The following SNAP91 variants were observed in gnomAD, a reference collection of about 807,000 sequenced individuals.
SNAP91 encodes the protein synaptosome associated protein 91.
A neutral mutation model predicts 100.3 loss-of-function variants in SNAP91; 27 were observed. That is an observed-to-expected ratio of 0.27 (90% CI 0.20 to 0.37). The LOEUF (loss-of-function observed/expected upper bound fraction) is 0.37. Among genes scored for constraint, SNAP91 ranks in the 10% least tolerant of loss-of-function variants. SNAP91 has a pLI of 1.00. For missense variants in SNAP91, 986 were observed against 1,123.7 expected, an observed-to-expected ratio of 0.88 and a Z score of 1.75; for synonymous variants, 404 against 398.6, an observed-to-expected ratio of 1.01 and a Z score of -0.16.
chr6:83,692,296 C>G (rs1190253563), intron 2 of SNAP91, among the ~76,000 whole-genome samples: 1 of 152,192 alleles, frequency 6.6e-6, no homozygotes, highest in East Asian at 1.9e-4. Context: ...GGGTAGATCA[C>G]TTGAGGTCAA....
rs146980545 is a variant in SNAP91 at position 83,563,529 on chromosome 6, T to C, written c.2443-2582A>G. On this transcript the variant is annotated intron_variant, in intron 26 of 29. Transcript: ENST00000369694. ...GCAGTTAGCAGGAAAAAGCAAGAAATGGCATCCAGGTGGGAAAGAAAGAAT... is the reference window on the plus strand; with the variant it reads ...GCAGTTAGCAGGAAAAAGCAAGAAACGGCATCCAGGTGGGAAAGAAAGAAT... 4.1e-3 allele frequency among the ~76,000 whole-genome samples: 619 copies of C among 152,224 alleles called. 2 individuals are homozygous for C. Among genetic ancestry groups the C allele is most frequent in the Non-Finnish European group, 6.9e-3 (472 of 68,004 alleles).
At chr6:83,622,766 G>C (rs1308458124) in intron 9 of SNAP91, among the ~76,000 whole-genome samples, 2 of 151,288 alleles carry the variant, frequency 1.3e-5, no homozygotes, top group South Asian at 2.1e-4. Context: ...TACTAGATGG[G>C]CTCCAGAAAA....
At chr6:83,681,999 T>C (rs1202974499) in intron 2 of SNAP91, among the ~76,000 whole-genome samples, 1 of 152,120 alleles carries the variant, frequency 6.6e-6, no homozygotes, top group Non-Finnish European at 1.5e-5. Flanking sequence ...CCTTGAATTC[T>C]ACTGATACCC....
intron 2 of SNAP91, among the ~76,000 whole-genome samples, chr6:83,707,387 C>G (rs546933114): frequency 2.3e-4 from 35 of 151,988 alleles, no homozygotes; most frequent in Non-Finnish European, 4.4e-4. Flanking sequence ...GTTTGACCTT[C>G]CATAAATTCA....
intron 2 of SNAP91, among the ~76,000 whole-genome samples, chr6:83,692,008 C>T (rs1032385290): frequency 1.1e-4 from 16 of 152,018 alleles, no homozygotes; most frequent in Non-Finnish European, 2.4e-4. Context: ...GGCATAATTG[C>T]CCCATTCTGT....
intron 28 of SNAP91, among the ~76,000 whole-genome samples, chr6:83,559,830 A>G (rs1784355739): frequency 6.6e-6 from 1 of 152,202 alleles, no homozygotes; most frequent in Non-Finnish European, 1.5e-5. Context: ...TCTGGGACAC[A>G]TGCCTTGGAT....
chr6:83,655,309 T>C (rs1486330596), intron 7 of SNAP91, among the ~76,000 whole-genome samples: 2 of 152,222 alleles, frequency 1.3e-5, no homozygotes, highest in Non-Finnish European at 2.9e-5. Flanking sequence ...TATGTGCTGC[T>C]CTAAGCAAAG....
intron 17 of SNAP91, among the ~76,000 whole-genome samples, 169 bp downstream of exon 17, chr6:83,594,204 TA>T (rs2094191834): frequency 6.6e-6 from 1 of 152,254 alleles, no homozygotes; most frequent in African/African-American, 2.4e-5. Context: ...GATAAGTATG[TA>T]CTTCATTGTC....
At chr6:83,560,326 G>A in intron 27 of SNAP91, 118 bp from the exon 28 acceptor site, 1 of 705,428 alleles carries the variant, frequency 1.4e-6, no homozygotes, top group Non-Finnish European at 2.4e-6. Context: ...GGACTATGAG[G>A]AAGCATAATT....
At chr6:83,680,653 G>A (rs2128909232) in intron 2 of SNAP91, among the ~76,000 whole-genome samples, 1 of 152,218 alleles carries the variant, frequency 6.6e-6, no homozygotes, top group East Asian at 1.9e-4. Flanking sequence ...CTAGTGCTCA[G>A]TCTAGAACAA....
At chr6:83,701,287 G>C (rs1273625076) in intron 2 of SNAP91, among the ~76,000 whole-genome samples, 2 of 151,978 alleles carry the variant, frequency 1.3e-5, no homozygotes, top group East Asian at 1.9e-4. Context: ...AGATGACAGA[G>C]AGAATAACTC....
chr6:83,694,169 C>T (rs892286737), intron 2 of SNAP91, among the ~76,000 whole-genome samples: 2 of 152,234 alleles, frequency 1.3e-5, no homozygotes, highest in Non-Finnish European at 2.9e-5. Flanking sequence ...CCATTTCCTT[C>T]TGCTCCTGGA....
chr6:83,615,365 T>C (rs1473094700), intron 10 of SNAP91, among the ~76,000 whole-genome samples: 3 of 152,324 alleles, frequency 2.0e-5, no homozygotes, highest in East Asian at 3.9e-4. Flanking sequence ...ATTTTAACTT[T>C]AGCGGATGTA....
chr6:83,573,290 C>G (rs542897443), intron 26 of SNAP91, among the ~76,000 whole-genome samples: 1 of 152,114 alleles, frequency 6.6e-6, no homozygotes, highest in South Asian at 2.1e-4. Flanking sequence ...CACTGCTCAA[C>G]GAAATGAAAG....
rs1279165912 is a variant in SNAP91, at chr6:83,593,200, T to C, written c.1756A>G (p.Ile586Val). The C allele has an allele frequency of 1.3e-6, 2 of 1,594,064 alleles. No individual in the cohort carries two copies. Among genetic ancestry groups the C allele is most frequent in the Non-Finnish European group, 1.7e-6 (2 of 1,169,760 alleles). The part of the protein sequence containing the change: ...AAPKPDAAPS[I>V]DLFSTDAFSS... ...GTTTTACCTGTACTAAACAGGTCTA[T>C]GCTAGGAGCAGCATCTGGCTTAGGC... Residue 586 changes from isoleucine (I) to valine (V), a missense_variant, in exon 19 of 30, where the codon ATA becomes GTA. Physicochemically the swap from Ile to Val is conservative, Grantham distance 29. Transcript: ENST00000369694.
At chr6:83,581,109 A>AC in intron 23 of SNAP91, among the ~76,000 whole-genome samples, 1 of 152,214 alleles carries the variant, frequency 6.6e-6, no homozygotes, top group African/African-American at 2.4e-5. Flanking sequence ...GTGAAATCTA[A>AC]ATAATTTACT....
At chr6:83,690,245 T>C in intron 2 of SNAP91, 1 of 1,113,062 alleles carries the variant, frequency 9.0e-7, no homozygotes, top group Non-Finnish European at 1.1e-6. Context: ...GATGAACAAA[T>C]CTCTTCTTGA....
chr6:83,621,702 T>G (rs973209364), intron 9 of SNAP91, among the ~76,000 whole-genome samples: 6 of 152,292 alleles, frequency 3.9e-5, no homozygotes, highest in African/African-American at 1.4e-4. Context: ...AGTAGTCATT[T>G]GAATATTTCC....
intron 2 of SNAP91, among the ~76,000 whole-genome samples, chr6:83,688,455 CTTT>C (rs1005947927): frequency 3.3e-5 from 5 of 150,524 alleles, no homozygotes; most frequent in Non-Finnish European, 5.9e-5. Context: ...AGTCATGCTT[CTTT>C]GTCTGGAAAA....
Sources: allele counts gnomAD v4.1 joint callset (sites outside exome capture counted in the v4.1 genomes callset), GRCh38; gene constraint gnomAD v4.1.1; transcripts MANE v1.5; gene names NCBI Gene and HGNC (gene_info 2026-07-23, HGNC 2026-07-21).